CATSPERT: variants seen among roughly 807,000 people sequenced by gnomAD.
CATSPERT encodes catsper channel auxiliary subunit tau, also known as cation channel sperm-associated targeting subunit tau.
the CATSPERT span, among the ~76,000 whole-genome samples, chr2:201,586,104 A>T: frequency 2.0e-5 from 3 of 152,170 alleles, no homozygotes; most frequent in Non-Finnish European, 4.4e-5. Flanking sequence ...TCTCTTCCCT[A>T]TGATTTTTTT....
At chr2:201,524,609 T>C in the CATSPERT span, among the ~76,000 whole-genome samples, 1 of 152,114 alleles carries the variant, frequency 6.6e-6, no homozygotes. Flanking sequence ...CAGGATCAAA[T>C]CCACATAAAT....
chr2:201,531,071 C>T, the CATSPERT span, among the ~76,000 whole-genome samples: 5 of 151,348 alleles, frequency 3.3e-5, no homozygotes, highest in Non-Finnish European at 5.9e-5. Context: ...CGCCATTCTC[C>T]TGCCTCAGCC....
the CATSPERT span, chr2:201,565,935 G>A: frequency 8.0e-5 from 115 of 1,433,548 alleles, no homozygotes; most frequent in Admixed American, 4.3e-4. Context: ...AAAATCAGTG[G>A]CAGCTATCAC....
the CATSPERT span, chr2:201,582,047 C>T: frequency 6.3e-7 from 1 of 1,580,036 alleles, no homozygotes; most frequent in Non-Finnish European, 8.5e-7. Flanking sequence ...AACTGGACAA[C>T]CAACTGGCAA....
At chr2:201,523,082 C>G in the CATSPERT span, among the ~76,000 whole-genome samples, 3 of 152,190 alleles carry the variant, frequency 2.0e-5, no homozygotes, top group African/African-American at 7.2e-5. Context: ...CAGCCTCCCC[C>G]CACCACTTTG....
chr2:201,582,217 C>A, the CATSPERT span: 1 of 1,581,686 alleles, frequency 6.3e-7, no homozygotes, highest in African/African-American at 1.4e-5. Context: ...CGTCTGGGAA[C>A]CTCAATATCA....
the CATSPERT span, among the ~76,000 whole-genome samples, chr2:201,606,284 C>T: frequency 5.9e-5 from 9 of 152,256 alleles, no homozygotes; most frequent in South Asian, 1.9e-3. Flanking sequence ...GACATCTTGC[C>T]TACAGGCAAA....
At chr2:201,489,935 C>A in the CATSPERT span, among the ~76,000 whole-genome samples, 1 of 151,464 alleles carries the variant, frequency 6.6e-6, no homozygotes, top group Non-Finnish European at 1.5e-5. Flanking sequence ...TGGCTCACTG[C>A]AACCTCTGCC....
At chr2:201,512,561 T>G in the CATSPERT span, among the ~76,000 whole-genome samples, 1 of 152,204 alleles carries the variant, frequency 6.6e-6, no homozygotes, top group Non-Finnish European at 1.5e-5. Context: ...GGATTGTCTT[T>G]TTTTTACTCA....
chr2:201,519,921 C>T, the CATSPERT span, among the ~76,000 whole-genome samples: 1 of 125,766 alleles, frequency 8.0e-6, no homozygotes, highest in South Asian at 3.0e-4. Context: ...ATATATGTTG[C>T]CTAAAATAGA....
chr2:201,496,296 A>G, the CATSPERT span, among the ~76,000 whole-genome samples: 1 of 152,188 alleles, frequency 6.6e-6, no homozygotes, highest in Non-Finnish European at 1.5e-5. Context: ...AGATGCCTTT[A>G]CACAATACAT....
At chr2:201,588,860 C>T in the CATSPERT span, among the ~76,000 whole-genome samples, 1 of 152,044 alleles carries the variant, frequency 6.6e-6, no homozygotes, top group Non-Finnish European at 1.5e-5. Context: ...CTACAAAACC[C>T]CATAGTCTCA....
chr2:201,519,731 TTAAC>T, the CATSPERT span, among the ~76,000 whole-genome samples: 88 of 152,072 alleles, frequency 5.8e-4, no homozygotes, highest in African/African-American at 2.0e-3. Context: ...ATCAAGAGCT[TTAAC>T]ATCAGACTAG....
the CATSPERT span, among the ~76,000 whole-genome samples, chr2:201,613,127 A>G: frequency 6.6e-6 from 1 of 152,234 alleles, no homozygotes; most frequent in Non-Finnish European, 1.5e-5. Flanking sequence ...TCTGGGGGGC[A>G]GGGCATAGCT....
chr2:201,491,429 T>C, the CATSPERT span: 2 of 1,537,092 alleles, frequency 1.3e-6, no homozygotes, highest in African/African-American at 1.4e-5. Context: ...TCAGGGAACT[T>C]GGCACATTTT....
the CATSPERT span, among the ~76,000 whole-genome samples, chr2:201,614,320 T>C: frequency 6.6e-6 from 1 of 152,180 alleles, no homozygotes; most frequent in African/African-American, 2.4e-5. Flanking sequence ...AAAGGTCGGG[T>C]TACCCACAAA....
chr2:201,513,101 A>G, the CATSPERT span, among the ~76,000 whole-genome samples: 1 of 151,288 alleles, frequency 6.6e-6, no homozygotes, highest in Non-Finnish European at 1.5e-5. Context: ...ATAAAAAAAA[A>G]GAAAAATAAA....
chr2:201,522,415 A>G, the CATSPERT span, among the ~76,000 whole-genome samples: 118 of 152,166 alleles, frequency 7.8e-4, no homozygotes, highest in Non-Finnish European at 1.3e-3. Context: ...CATCAAGAAG[A>G]CCAGCACACT....
chr2:201,605,485 G>A, the CATSPERT span, among the ~76,000 whole-genome samples: 2 of 152,028 alleles, frequency 1.3e-5, no homozygotes, highest in Non-Finnish European at 2.9e-5. Context: ...AAAAACCGAA[G>A]AGAACAACAG....
Sources: allele counts gnomAD v4.1 joint callset (sites outside exome capture counted in the v4.1 genomes callset), GRCh38; gene constraint gnomAD v4.1.1; transcripts MANE v1.5; gene names NCBI Gene and HGNC (gene_info 2026-07-23, HGNC 2026-07-21).